The following XKR4 variants were observed in gnomAD, a reference collection of about 807,000 sequenced individuals.
The protein encoded by XKR4 is XK related 4, also known as XK-related protein 4.
Under a neutral mutation model 53.9 loss-of-function variants are expected in XKR4, and 12 were observed. The ratio of observed to expected loss-of-function variants is 0.22; its 90% CI spans 0.14 to 0.36. The LOEUF (loss-of-function observed/expected upper bound fraction) is 0.36, where lower values mean the gene tolerates loss of function less well. Among genes scored for constraint, XKR4 ranks in the 10% least tolerant of loss-of-function variants. The pLI, the probability that XKR4 is intolerant of heterozygous loss-of-function variation, is 1.00. For synonymous variants in XKR4, 354 were observed against 362.4 expected (o/e 0.98, Z 0.26); for missense variants, 799 against 859.5 (o/e 0.93, Z 0.88).
chr8:55,322,813 G>C (rs1803234418), intron 1 of XKR4, among the ~76,000 whole-genome samples: 1 of 151,866 alleles, frequency 6.6e-6, no homozygotes, highest in South Asian at 2.1e-4. Context: ...TATTCTTTTT[G>C]TTGTAATATA....
Position 55,367,274 on chromosome 8 carries a change from G to T in XKR4, c.1006+9397G>T, listed in dbSNP as rs138186642. ...GTGTTTCTGGATTCTTTCATTCAGTGTTGTGCTTGTGAGATATGATTCCAC... is the reference window on the plus strand; with the variant it reads ...GTGTTTCTGGATTCTTTCATTCAGTTTTGTGCTTGTGAGATATGATTCCAC... On this transcript the variant is annotated intron_variant, in intron 2 of 2. Coordinates refer to ENST00000327381, the MANE Select transcript of XKR4 (RefSeq NM_052898.2). 2.0e-4 allele frequency among the ~76,000 whole-genome samples: 30 copies of T among 152,122 alleles called. 2 individuals are homozygous for T. The highest frequency in any genetic ancestry group is 7.2e-4 in the African/African-American group (30 of 41,502).
intron 1 of XKR4, among the ~76,000 whole-genome samples, chr8:55,324,469 A>G (rs1258460034): frequency 3.3e-5 from 5 of 152,204 alleles, no homozygotes; most frequent in African/African-American, 9.6e-5. Context: ...ATCATATCCT[A>G]GACACTGTGT....
intron 1 of XKR4, among the ~76,000 whole-genome samples, chr8:55,204,773 T>C (rs929658714): frequency 2.6e-5 from 4 of 152,236 alleles, no homozygotes; most frequent in Non-Finnish European, 5.9e-5. Flanking sequence ...GAATAATTTA[T>C]AAAAAATGTA....
rs888705643 is a variant in XKR4 at position 55,524,942 on chromosome 8, T to G, written c.*715T>G. Reference sequence around the variant, plus strand: ...AACATCCTTTTTGACAGAAATCCTATGCAGCCCATGTACGGCTTTCAACAA... The same window carrying G: ...AACATCCTTTTTGACAGAAATCCTAGGCAGCCCATGTACGGCTTTCAACAA... On this transcript the variant is annotated 3_prime_UTR_variant, in exon 3 of 3. Transcript: ENST00000327381. 1 of 152,658 alleles carries G rather than the reference T, an allele frequency of 6.6e-6. No homozygotes were observed. The allele number at this position is 152,658 out of a possible 1,614,324, so 9.5% of individuals were successfully genotyped here.
chr8:55,161,653 A>G, intron 1 of XKR4: 1 of 456,210 alleles, frequency 2.2e-6, no homozygotes, highest in South Asian at 1.5e-5. Flanking sequence ...GGGTAAGTGA[A>G]TACTTGGACG....
rs913054478 is a variant in XKR4, at chr8:55,471,048, C to A, written c.1007-52233C>A. On this transcript the variant is annotated intron_variant, in intron 2 of 2. Transcript: ENST00000327381. ...GGTCTGGCAACAATATAGAGTTGCACCATCCAGTACAGTAGCCACTAGCCA... is the reference window on the plus strand; with the variant it reads ...GGTCTGGCAACAATATAGAGTTGCAACATCCAGTACAGTAGCCACTAGCCA... 2.0e-5 allele frequency among the ~76,000 whole-genome samples: 3 copies of A among 152,088 alleles called. No homozygotes were observed. In the South Asian group the frequency reaches 6.3e-4, roughly 32 times the overall value.
At position 55,525,500 on chromosome 8, in the gene XKR4, A is replaced by T. The variant is rs376324674; in HGVS notation, c.*1273A>T. On this transcript the variant is annotated 3_prime_UTR_variant, in exon 3 of 3. Coordinates refer to ENST00000327381, the MANE Select transcript of XKR4 (RefSeq NM_052898.2). ...ACCCTTCTGAACTGAGAGAGGGCTT[A>T]TCACTATATCCAGCTAAGATTTGTA... 3 of 152,624 alleles carry T rather than the reference A, an allele frequency of 2.0e-5. No homozygotes were observed. The highest frequency in any genetic ancestry group is 4.4e-5 in the Non-Finnish European group (3 of 68,040). The allele number at this position is 152,624 out of a possible 1,614,324, so 9.5% of individuals were successfully genotyped here. A position where few individuals can be genotyped will look rare whatever the true frequency, so the allele number is the denominator to read the frequency against.
chr8:55,169,536 G>A (rs910705765), intron 1 of XKR4, among the ~76,000 whole-genome samples: 2 of 152,196 alleles, frequency 1.3e-5, no homozygotes, highest in East Asian at 1.9e-4. Flanking sequence ...CAAGGACCCA[G>A]CATCTTATCC....
intron 2 of XKR4, among the ~76,000 whole-genome samples, chr8:55,490,822 G>A (rs534126792): frequency 3.9e-5 from 6 of 151,976 alleles, no homozygotes; most frequent in Middle Eastern, 3.4e-3. Context: ...GTGCGCACGC[G>A]CATGCTTGTG....
intron 2 of XKR4, among the ~76,000 whole-genome samples, chr8:55,419,536 T>C (rs1804895603): frequency 6.6e-6 from 1 of 152,266 alleles, no homozygotes; most frequent in South Asian, 2.1e-4. Flanking sequence ...TGAAATTGTA[T>C]TCAAATATTT....
intron 2 of XKR4, among the ~76,000 whole-genome samples, chr8:55,375,935 T>A (rs1444405045): frequency 2.6e-5 from 4 of 152,166 alleles, no homozygotes; most frequent in African/African-American, 7.2e-5. Flanking sequence ...TGTGTCCACG[T>A]GTTCTCATTG....
At chr8:55,149,306 C>T (rs989695531) in intron 1 of XKR4, among the ~76,000 whole-genome samples, 2 of 152,174 alleles carry the variant, frequency 1.3e-5, no homozygotes, top group African/African-American at 4.8e-5. Flanking sequence ...CAGTTGACTC[C>T]CTTTTTCTAG....
chr8:55,482,493 A>C (rs562791671), intron 2 of XKR4, among the ~76,000 whole-genome samples: 1 of 152,254 alleles, frequency 6.6e-6, no homozygotes, highest in East Asian at 1.9e-4. Context: ...ACATGTATAC[A>C]TATGTAACAA....
chr8:55,150,853 A>T (rs1257280389), intron 1 of XKR4, among the ~76,000 whole-genome samples: 2 of 152,240 alleles, frequency 1.3e-5, no homozygotes, highest in Non-Finnish European at 2.9e-5. Context: ...GTCATTGGAA[A>T]AAAAGAAGGC....
intron 2 of XKR4, among the ~76,000 whole-genome samples, chr8:55,377,403 C>T (rs1252955875): frequency 6.6e-6 from 1 of 152,180 alleles, no homozygotes; most frequent in Admixed American, 6.5e-5. Flanking sequence ...CTCTTTGTCA[C>T]ATAGGGAATA....
At chr8:55,229,152 T>G (rs1451740584) in intron 1 of XKR4, among the ~76,000 whole-genome samples, 2 of 152,228 alleles carry the variant, frequency 1.3e-5, no homozygotes, top group Non-Finnish European at 2.9e-5. Flanking sequence ...GTGGGGCTGC[T>G]TAAATCCATC....
intron 1 of XKR4, among the ~76,000 whole-genome samples, chr8:55,273,565 T>C (rs1053268408): frequency 1.3e-5 from 2 of 152,194 alleles, no homozygotes; most frequent in African/African-American, 4.8e-5. Context: ...GTGCTTGAGA[T>C]ATTTTGCAGA....
intron 1 of XKR4, among the ~76,000 whole-genome samples, chr8:55,172,597 T>A (rs1817177772): frequency 6.6e-6 from 1 of 152,118 alleles, no homozygotes; most frequent in Non-Finnish European, 1.5e-5. Flanking sequence ...AGAAGCAAAC[T>A]TGTGCCTAAG....
At chr8:55,316,614 C>T (rs1032825965) in intron 1 of XKR4, among the ~76,000 whole-genome samples, 5 of 152,060 alleles carry the variant, frequency 3.3e-5, no homozygotes, top group Non-Finnish European at 7.4e-5. Context: ...TTGAGCTAAC[C>T]CATCCAAATG....
Sources: allele counts gnomAD v4.1 joint callset (sites outside exome capture counted in the v4.1 genomes callset), GRCh38; gene constraint gnomAD v4.1.1; transcripts MANE v1.5; gene names NCBI Gene and HGNC (gene_info 2026-07-23, HGNC 2026-07-21).